GALNT5: variants seen among roughly 807,000 people sequenced by gnomAD.
The protein encoded by GALNT5 is UDP-GalNAc:polypeptide N-acetylgalactosaminyltransferase 5.
Under a neutral mutation model 85.4 loss-of-function variants are expected in GALNT5, and 72 were observed. That is an observed-to-expected ratio of 0.84 (90% CI 0.70 to 1.03). The LOEUF (loss-of-function observed/expected upper bound fraction) is 1.03. Among genes scored for constraint, GALNT5 ranks in the 50% least tolerant of loss-of-function variants. The pLI is 0.00. For missense variants in GALNT5, 1,137 were observed against 1,135.5 expected (o/e 1.00, Z -0.02); for synonymous variants, 404 against 397.0 (o/e 1.02, Z -0.21).
chr2:157,271,067 G>A (rs1410511208), intron 1 of GALNT5, among the ~76,000 whole-genome samples: 1 of 150,794 alleles, frequency 6.6e-6, no homozygotes, highest in Non-Finnish European at 1.5e-5. Flanking sequence ...AGTGAGCAGT[G>A]ATCACGCCAC....
At chr2:157,263,643 T>C (rs1682397475) in intron 1 of GALNT5, among the ~76,000 whole-genome samples, 1 of 152,260 alleles carries the variant, frequency 6.6e-6, no homozygotes, top group African/African-American at 2.4e-5. Context: ...ATCACAGTGC[T>C]GTACATTCAG....
At chr2:157,286,485 G>C (rs572697076) in intron 3 of GALNT5, among the ~76,000 whole-genome samples, 1 of 151,904 alleles carries the variant, frequency 6.6e-6, no homozygotes, top group South Asian at 2.1e-4. Context: ...TTTTCTCATT[G>C]TTCCCAAAAT....
rs143632617 is a variant in GALNT5 at position 157,305,815 on chromosome 2, G to A, written c.2506G>A (p.Asp836Asn). 3.7e-4 allele frequency: 585 copies of A among 1,598,362 alleles called. 3 individuals carry two copies. The East Asian group carries it at 0.01, about 29-fold the overall frequency. Residue 836 changes from aspartate (D) to asparagine (N), a missense_variant, in exon 8 of 10, where the codon GAT (aspartate) becomes AAT (asparagine). Transcript: ENST00000259056. ...CACTACAGTCATTCTGGAAGACTGC[G>A]ATGGGAGCAAAGAGGTATGCTAAAC... The part of the protein sequence containing the change: ...ENTTVILEDC[D>N]GSKELQQFNY...
rs760847613 is a variant in GALNT5, at chr2:157,259,168, T to C, written c.1086T>C (p.Asn362=). 3.3e-6 allele frequency: 5 copies of C among 1,521,664 alleles called. No individual in the cohort carries two copies. Among genetic ancestry groups the C allele is most frequent in the South Asian group, 1.4e-5 (1 of 73,424 alleles). The allele number at this position is 1,521,664 out of a possible 1,614,324, so 94.3% of individuals were successfully genotyped here. ...GCCAAAGTAAACACATTTCCAGGAA[T>C]AGAAGTGAGATGTCTTCCTCTTCAC... is the stretch of plus-strand genomic sequence containing the variant. ...GKSQSKHISR[N]RSEMSSSSLA... Residue 362 remains asparagine (N), a synonymous_variant, in exon 1 of 10, where the codon AAT becomes AAC. Coordinates refer to ENST00000259056, the MANE Select transcript of GALNT5 (RefSeq NM_014568.3).
chr2:157,309,313 A>G (rs1398990465), intron 9 of GALNT5, among the ~76,000 whole-genome samples: 1 of 152,178 alleles, frequency 6.6e-6, no homozygotes, highest in African/African-American at 2.4e-5. Context: ...AACTGGCCAT[A>G]TTGGGAGTAT....
In GALNT5 at chr2:157,316,978, A is replaced by AT. The variant is rs1683718472; in HGVS notation, c.*5637dup. ...AGTCACCATCAAATAAGTAATAAAT[A>AT]TTTTTTTCAAAAACAAGAGCTTTCT... On this transcript the variant is annotated 3_prime_UTR_variant, in exon 10 of 10. Transcript: ENST00000259056. 1.3e-5 allele frequency among the ~76,000 whole-genome samples: 2 copies of AT among 151,786 alleles called. No individual in the cohort carries two copies. The highest frequency in any genetic ancestry group is 4.8e-5 in the African/African-American group (2 of 41,386).
intron 1 of GALNT5, among the ~76,000 whole-genome samples, chr2:157,282,230 T>C (rs1465973816): frequency 6.6e-6 from 1 of 152,210 alleles, no homozygotes; most frequent in Admixed American, 6.5e-5. Flanking sequence ...TCAATTTATT[T>C]TTTTTAATAT....
chr2:157,280,931 TA>T (rs1682842421), intron 1 of GALNT5, among the ~76,000 whole-genome samples: 1 of 152,178 alleles, frequency 6.6e-6, no homozygotes, highest in Non-Finnish European at 1.5e-5. Flanking sequence ...CTGCCATGGG[TA>T]AAAGCTCCCT....
At position 157,258,922 on chromosome 2, in the gene GALNT5, GT is replaced by G; in HGVS notation, c.842del (p.Phe281SerfsTer8). 1 of 1,547,910 alleles carries G rather than the reference GT, an allele frequency of 6.5e-7. No individual in the cohort carries two copies. Among genetic ancestry groups the G allele is most frequent in the Non-Finnish European group, 8.7e-7 (1 of 1,151,922 alleles). ...CCAATACGAGTCTTCCTTTTCCTAA[GT>G]TCACTGTCAATTCAAATCGCTTAAG... Reference protein sequence around the residue: ...KANTSLPFPKFTVNSNRLRKQ... With the variant: ...KANTSLPFPKXTVNSNRLRKQ... On this transcript the variant is annotated frameshift_variant, in exon 1 of 10. Coordinates refer to ENST00000259056, the MANE Select transcript of GALNT5 (RefSeq NM_014568.3). LOFTEE classifies it high-confidence loss of function.
chr2:157,260,717 G>A (rs1057081909), intron 1 of GALNT5, among the ~76,000 whole-genome samples: 11 of 152,208 alleles, frequency 7.2e-5, no homozygotes, highest in Non-Finnish European at 1.5e-4. Context: ...TTACTAGGAG[G>A]AAGGCAGATA....
At chr2:157,289,534 T>C (rs776645209) in intron 3 of GALNT5, among the ~76,000 whole-genome samples, 3 of 152,206 alleles carry the variant, frequency 2.0e-5, no homozygotes, top group African/African-American at 4.8e-5. Flanking sequence ...CCAATCTCAA[T>C]AAATTGATTT....
chr2:157,283,075 T>C (rs1682891474), intron 1 of GALNT5, among the ~76,000 whole-genome samples: 1 of 152,214 alleles, frequency 6.6e-6, no homozygotes, highest in African/African-American at 2.4e-5. Context: ...TTCTTGTGGA[T>C]CTAAGGCTTC....
chr2:157,289,446 A>G (rs899695490), intron 3 of GALNT5, among the ~76,000 whole-genome samples: 2 of 152,232 alleles, frequency 1.3e-5, no homozygotes, highest in Admixed American at 1.3e-4. Context: ...ATATAACTAC[A>G]GTAGACATTT....
Position 157,311,980 on chromosome 2 carries a change from TTAAG to T in GALNT5, c.*634_*637del, listed in dbSNP as rs1683583707. ...CCAATCTGAATCAGTGGAAAAAAATTTAAGTGAGGAAGAAGAGGCCTTCAAATGC... is the reference window on the plus strand; with the variant it reads ...CCAATCTGAATCAGTGGAAAAAAATTTGAGGAAGAAGAGGCCTTCAAATGC... On this transcript the variant is annotated 3_prime_UTR_variant, in exon 10 of 10. Transcript: ENST00000259056. 6.6e-6 allele frequency: 1 copy of T among 152,142 alleles called. No individual in the cohort carries two copies. The highest frequency in any genetic ancestry group is 6.6e-5 in the Admixed American group (1 of 15,260). 9.4% of individuals were successfully genotyped at this position (152,142 alleles called of 1,614,324 possible). A position where few individuals can be genotyped will look rare whatever the true frequency, so the allele number is the denominator to read the frequency against.
intron 1 of GALNT5, among the ~76,000 whole-genome samples, chr2:157,278,291 TTA>T (rs1372961992): frequency 6.6e-6 from 1 of 152,182 alleles, no homozygotes; most frequent in African/African-American, 2.4e-5. Context: ...AATCTGAAAA[TTA>T]TGTGTCTTGG....
intron 1 of GALNT5, among the ~76,000 whole-genome samples, chr2:157,279,378 A>G (rs1248545802): frequency 1.3e-5 from 2 of 152,208 alleles, no homozygotes; most frequent in East Asian, 3.9e-4. Flanking sequence ...AGGGACATTT[A>G]AATCTGCAGA....
chr2:157,265,812 G>A (rs1296487442), intron 1 of GALNT5, among the ~76,000 whole-genome samples: 2 of 152,170 alleles, frequency 1.3e-5, no homozygotes, highest in Non-Finnish European at 2.9e-5. Flanking sequence ...CTTTCGAAAT[G>A]AAAGGAGCTT....
At position 157,257,967 on chromosome 2, in the gene GALNT5, G is replaced by A. The variant is rs981920800; in HGVS notation, c.-116G>A. 2.4e-5 allele frequency: 25 copies of A among 1,027,428 alleles called. No homozygotes were observed. In the African/African-American group the frequency reaches 3.6e-4, roughly 15 times the overall value. The allele number at this position is 1,027,428 out of a possible 1,614,324, so 63.6% of individuals were successfully genotyped here. On this transcript the variant is annotated 5_prime_UTR_variant, in exon 1 of 10. Transcript: ENST00000259056. The stretch of plus-strand genomic sequence containing the variant: ...CTGCTTCCTGCTGTGTTCAGGGGAG[G>A]GGGTCACTTTCTGGCAACTCTGCTG...
Position 157,300,693 on chromosome 2 carries a change from T to C in GALNT5, c.2133T>C (p.Gly711=). The change falls in exon 7 of 10, where the codon GGT becomes GGC. Residue 711 remains glycine, a synonymous_variant. Coordinates refer to ENST00000259056, the MANE Select transcript of GALNT5 (RefSeq NM_014568.3). The stretch of plus-strand genomic sequence containing the variant: ...TCTTCCAGGTGTGGATGTGTGGTGG[T>C]GAAATTGAGATCATTCCCTGCTCCC... ...ELSFKVWMCG[G]EIEIIPCSRV... 1 of 1,612,352 alleles carries C rather than the reference T, an allele frequency of 6.2e-7. No homozygotes were observed. The highest frequency in any genetic ancestry group is 1.1e-5 in the South Asian group (1 of 91,030).
Sources: gnomAD v4.1 joint callset for allele counts (sites outside exome capture counted in the v4.1 genomes callset) on GRCh38, gnomAD v4.1.1 for gene constraint, MANE v1.5 for transcripts, NCBI Gene and HGNC (gene_info 2026-07-23, HGNC 2026-07-21) for gene names.